The following CRACR2A variants were observed in gnomAD, a reference collection of about 807,000 sequenced individuals.
CRACR2A encodes the protein calcium release activated channel regulator 2A.
Under a neutral mutation model 90.5 loss-of-function variants are expected in CRACR2A, and 79 were observed. The ratio of observed to expected loss-of-function variants is 0.87; its 90% confidence interval spans 0.73 to 1.05. The LOEUF (loss-of-function observed/expected upper bound fraction) is 1.05, where lower values mean the gene tolerates loss of function less well. Ranked by LOEUF, CRACR2A falls within the 50% of genes least tolerant of loss-of-function variation. The pLI, the probability that CRACR2A is intolerant of heterozygous loss-of-function variation, is 0.00. For missense variants in CRACR2A, 823 were observed against 897.2 expected, an observed-to-expected ratio of 0.92 and a Z score of 1.06; for synonymous variants, 338 against 356.7, an observed-to-expected ratio of 0.95 and a Z score of 0.59.
At chr12:3,698,328 T>C (rs554372040) in intron 3 of CRACR2A, among the ~76,000 whole-genome samples, 1 of 152,320 alleles carries the variant, frequency 6.6e-6, no homozygotes, top group South Asian at 2.1e-4. Flanking sequence ...ATATTTCCTG[T>C]GTCCATGTGA....
chr12:3,662,787 G>A (rs994140008), intron 7 of CRACR2A, among the ~76,000 whole-genome samples: 14 of 152,212 alleles, frequency 9.2e-5, no homozygotes, highest in Non-Finnish European at 1.5e-4. Flanking sequence ...GTGGCTGCGC[G>A]GGCAGTGGCA....
chr12:3,626,033 T>C (rs1388554788), intron 17 of CRACR2A, among the ~76,000 whole-genome samples: 7 of 152,252 alleles, frequency 4.6e-5, no homozygotes, highest in African/African-American at 1.4e-4. Context: ...GGCAATCTAC[T>C]ACCTACATTT....
At chr12:3,657,897 C>A (rs1436205343) in intron 8 of CRACR2A, among the ~76,000 whole-genome samples, 1 of 152,180 alleles carries the variant, frequency 6.6e-6, no homozygotes, top group African/African-American at 2.4e-5. Context: ...CACGGTCAAA[C>A]AAACTGGTAA....
intron 15 of CRACR2A, among the ~76,000 whole-genome samples, chr12:3,632,326 C>A (rs578070593): frequency 1.8e-4 from 27 of 152,200 alleles, no homozygotes; most frequent in Non-Finnish European, 3.1e-4. Flanking sequence ...TCAGGTATTT[C>A]TTTATAGCAG....
At chr12:3,640,866 T>C in intron 13 of CRACR2A, 1 of 1,275,300 alleles carries the variant, frequency 7.8e-7, no homozygotes, top group Non-Finnish European at 1.0e-6. Flanking sequence ...CCTTGGGTAC[T>C]CAAGCTCAAT....
chr12:3,646,372 T>C (rs1944688216), intron 11 of CRACR2A, among the ~76,000 whole-genome samples: 1 of 152,114 alleles, frequency 6.6e-6, no homozygotes, highest in Non-Finnish European at 1.5e-5. Flanking sequence ...GGCACAGCCA[T>C]GGTTAGGCCC....
At chr12:3,619,227 G>A (rs765695377) in intron 18 of CRACR2A, 44 bp downstream of exon 18, 17 of 1,497,534 alleles carry the variant, frequency 1.1e-5, no homozygotes, top group African/African-American at 1.4e-5. Context: ...AACTTCCCTC[G>A]GGGTCACACT....
At chr12:3,619,169 A>G in intron 18 of CRACR2A, 102 bp downstream of exon 18, 1 of 885,304 alleles carries the variant, frequency 1.1e-6, no homozygotes, top group South Asian at 1.7e-5. Context: ...CTTCCTTCCC[A>G]TGGCACTTCC....
intron 1 of CRACR2A, among the ~76,000 whole-genome samples, chr12:3,749,744 G>C (rs1326609912): frequency 6.6e-6 from 1 of 151,686 alleles, no homozygotes; most frequent in African/African-American, 2.4e-5. Flanking sequence ...CCAATAGATG[G>C]ATGAGTGGAA....
At chr12:3,699,503 C>T (rs1266965149) in intron 3 of CRACR2A, among the ~76,000 whole-genome samples, 2 of 152,184 alleles carry the variant, frequency 1.3e-5, no homozygotes, top group Non-Finnish European at 2.9e-5. Context: ...TATATAGACT[C>T]TGTAGTAATC....
chr12:3,717,905 G>A (rs1378276039), intron 2 of CRACR2A, among the ~76,000 whole-genome samples: 1 of 152,126 alleles, frequency 6.6e-6, no homozygotes, highest in Non-Finnish European at 1.5e-5. Flanking sequence ...AGCCTTAGAT[G>A]AGGCTCAGGA....
At chr12:3,656,159 G>T in intron 9 of CRACR2A, 152 bp downstream of exon 9, 1 of 689,960 alleles carries the variant, frequency 1.4e-6, no homozygotes, top group Non-Finnish European at 2.4e-6. Flanking sequence ...GATCACCTGT[G>T]ATTTTAAATG....
At chr12:3,629,936 G>T (rs1944350280) in intron 15 of CRACR2A, among the ~76,000 whole-genome samples, 1 of 152,102 alleles carries the variant, frequency 6.6e-6, no homozygotes, top group Admixed American at 6.5e-5. Context: ...AATAACTGGG[G>T]ACCAGAGGGC....
At chr12:3,645,554 C>A (rs1385603510) in intron 11 of CRACR2A, among the ~76,000 whole-genome samples, 1 of 152,176 alleles carries the variant, frequency 6.6e-6, no homozygotes, top group Non-Finnish European at 1.5e-5. Context: ...CAAGATCTGG[C>A]TTCAGTTTTC....
intron 10 of CRACR2A, among the ~76,000 whole-genome samples, chr12:3,649,295 C>T (rs1944753906): frequency 6.6e-6 from 1 of 151,862 alleles, no homozygotes; most frequent in Non-Finnish European, 1.5e-5. Flanking sequence ...CTCCAAACTG[C>T]CCTATCCTAT....
intron 17 of CRACR2A, among the ~76,000 whole-genome samples, chr12:3,626,066 GT>G (rs1445704637): frequency 5.3e-5 from 8 of 152,216 alleles, no homozygotes; most frequent in Non-Finnish European, 7.3e-5. Context: ...TTTCTCATTT[GT>G]AAGTGCGTCA....
At chr12:3,739,413 G>C (rs1311426576) in intron 1 of CRACR2A, among the ~76,000 whole-genome samples, 1 of 152,112 alleles carries the variant, frequency 6.6e-6, no homozygotes, top group Non-Finnish European at 1.5e-5. Flanking sequence ...TTCTGTATCT[G>C]GAAGGTGTAA....
intron 15 of CRACR2A, among the ~76,000 whole-genome samples, chr12:3,632,407 T>A (rs1944390887): frequency 6.6e-6 from 1 of 152,168 alleles, no homozygotes; most frequent in Admixed American, 6.5e-5. Context: ...ACTGAAGCCC[T>A]AAGAGGCACC....
chr12:3,703,816 T>TA (rs1380098838), intron 3 of CRACR2A, among the ~76,000 whole-genome samples: 1 of 152,090 alleles, frequency 6.6e-6, no homozygotes, highest in Non-Finnish European at 1.5e-5. Context: ...AACAACTACA[T>TA]AAAAAGATAT....
Sources: allele counts gnomAD v4.1 joint callset (sites outside exome capture counted in the v4.1 genomes callset), GRCh38; gene constraint gnomAD v4.1.1; transcripts MANE v1.5; gene names NCBI Gene and HGNC (gene_info 2026-07-23, HGNC 2026-07-21).